Variants in STAT3 observed in about 807,000 individuals in gnomAD.
STAT3 encodes the protein signal transducer and activator of transcription 3.
In STAT3, 7 loss-of-function variants were observed where a neutral mutation model predicts 114.3. The ratio of observed to expected loss-of-function variants is 0.06; its 90% confidence interval spans 0.03 to 0.11. The LOEUF is 0.11. Ranked by LOEUF, STAT3 falls within the 10% of genes least tolerant of loss-of-function variation. The pLI is 1.00. For synonymous variants in STAT3, 331 were observed against 354.5 expected, an observed-to-expected ratio of 0.93 and a Z score of 0.74; for missense variants, 364 against 960.9, an observed-to-expected ratio of 0.38 and a Z score of 8.21.
In STAT3 at chr17:42,320,078, C is replaced by T. The variant is rs1567705307; in HGVS notation, c.2101+2204G>A. ...AGCAAAATGAGTCAAAAGGACCAGC[C>T]GTGGGACCCCAACGTCCTCTGCAGA... On this transcript the variant is annotated intron_variant, in intron 21 of 23. Coordinates refer to ENST00000264657, the MANE Select transcript of STAT3 (RefSeq NM_139276.3). 2.6e-5 allele frequency among the ~76,000 whole-genome samples: 4 copies of T among 152,110 alleles called. No individual in the cohort carries two copies. In the South Asian group the frequency reaches 6.2e-4, roughly 24 times the overall value.
At chr17:42,345,869 CTGAG>C (rs1055516823) in intron 3 of STAT3, among the ~76,000 whole-genome samples, 1 of 142,278 alleles carries the variant, frequency 7.0e-6, no homozygotes, top group Non-Finnish European at 1.5e-5. Context: ...GCACATTAGC[CTGAG>C]TCTTTTTTTT....
chr17:42,346,912 G>A (rs2082722612), intron 2 of STAT3, among the ~76,000 whole-genome samples, 199 bp from the exon 3 acceptor site: 1 of 152,150 alleles, frequency 6.6e-6, no homozygotes, highest in Admixed American at 6.6e-5. Flanking sequence ...TTCCAGGCCA[G>A]GCATGGTGGC....
chr17:42,337,354 C>T lies in STAT3; in HGVS notation c.797+81G>A. On this transcript the variant is annotated intron_variant, in intron 8 of 23. Coordinates refer to ENST00000264657, the MANE Select transcript of STAT3 (RefSeq NM_139276.3). The surrounding 1 kb of genome is among the most constrained non-coding windows in gnomAD (Gnocchi z 4.0). Reference sequence around the variant, plus strand: ...AAGTCCCCACGTTGGAGATATAGTACCAATTCTGTGGGCCTGCAGTTAAGA... The same window carrying T: ...AAGTCCCCACGTTGGAGATATAGTATCAATTCTGTGGGCCTGCAGTTAAGA... 6.3e-7 allele frequency: 1 copy of T among 1,574,870 alleles called. No individual in the cohort carries two copies. Among genetic ancestry groups the T allele is most frequent in the South Asian group, 1.1e-5 (1 of 87,192 alleles).
intron 4 of STAT3, among the ~76,000 whole-genome samples, chr17:42,342,138 G>A (rs921085822): frequency 6.6e-6 from 1 of 151,672 alleles, no homozygotes; most frequent in East Asian, 1.9e-4. Context: ...TGCACAGTAA[G>A]TGTTACCTAC....
chr17:42,369,479 G>T (rs923665813), intron 1 of STAT3, among the ~76,000 whole-genome samples: 1 of 152,120 alleles, frequency 6.6e-6, no homozygotes, highest in Non-Finnish European at 1.5e-5. Context: ...GGGCATTTAG[G>T]TTGATTCCAT....
At chr17:42,338,686 C>T (rs2082320090) in intron 6 of STAT3, 45 bp downstream of exon 6, 1 of 1,565,552 alleles carries the variant, frequency 6.4e-7, no homozygotes, top group South Asian at 1.1e-5. Context: ...CTCAACAACA[C>T]AAACTCACTT....
chr17:42,381,981 C>CT (rs1490155825), intron 1 of STAT3, among the ~76,000 whole-genome samples: 1 of 152,024 alleles, frequency 6.6e-6, no homozygotes, highest in East Asian at 1.9e-4. Flanking sequence ...ACTGTGGTTC[C>CT]TTGGCCTCCT....
intron 5 of STAT3, 29 bp downstream of exon 5, chr17:42,339,285 C>T: frequency 3.1e-6 from 5 of 1,604,052 alleles, no homozygotes; most frequent in Non-Finnish European, 4.3e-6. Flanking sequence ...AATGAAAGCT[C>T]CCTGCCCGAG....
intron 4 of STAT3, among the ~76,000 whole-genome samples, chr17:42,342,525 C>T (rs2082489388): frequency 2.0e-5 from 3 of 151,740 alleles, no homozygotes; most frequent in Admixed American, 1.3e-4. Flanking sequence ...CCATTTCCTA[C>T]AGTAATGGTG....
In STAT3 at chr17:42,337,607, A is replaced by T; in HGVS notation, c.646-21T>A. 6.2e-7 allele frequency: 1 copy of T among 1,614,206 alleles called. No individual in the cohort carries two copies. Among genetic ancestry groups the T allele is most frequent in the Non-Finnish European group, 8.5e-7 (1 of 1,180,044 alleles). ...ATGCTCTGGTTGGAAACCAAAACAAAGTCAGAAAACATTTCCTCAGACTGT... is the reference window on the plus strand; with the variant it reads ...ATGCTCTGGTTGGAAACCAAAACAATGTCAGAAAACATTTCCTCAGACTGT... On this transcript the variant is annotated intron_variant, in intron 7 of 23. Transcript: ENST00000264657. The surrounding 1 kb of genome is among the most constrained non-coding windows in gnomAD (Gnocchi z 4.0).
chr17:42,383,841 A>G (rs1051388156), intron 1 of STAT3, among the ~76,000 whole-genome samples: 4 of 152,216 alleles, frequency 2.6e-5, no homozygotes, highest in Non-Finnish European at 5.9e-5. Flanking sequence ...GACATAAAAT[A>G]TGAGTGGTGG....
At chr17:42,351,305 G>A (rs762745189) in intron 1 of STAT3, among the ~76,000 whole-genome samples, 7 of 151,818 alleles carry the variant, frequency 4.6e-5, no homozygotes, top group Non-Finnish European at 1.0e-4. Flanking sequence ...GAGTGCAGTG[G>A]TTCAATCACA....
At chr17:42,317,931 G>C (rs1307999652) in intron 21 of STAT3, among the ~76,000 whole-genome samples, 1 of 152,136 alleles carries the variant, frequency 6.6e-6, no homozygotes, top group Non-Finnish European at 1.5e-5. Flanking sequence ...CTGGAGCAAG[G>C]CATGGTCTCT....
intron 14 of STAT3, among the ~76,000 whole-genome samples, chr17:42,326,527 TA>T (rs1320764095): frequency 2.1e-5 from 3 of 140,364 alleles, no homozygotes; most frequent in Middle Eastern, 8.9e-3. Flanking sequence ...TTAAATTAAA[TA>T]AAAAAAAAGG....
At position 42,324,775 on chromosome 17, in the gene STAT3, G is replaced by T; in HGVS notation, c.1536C>A (p.Phe512Leu). 6.2e-7 allele frequency: 1 copy of T among 1,614,168 alleles called. No individual in the cohort carries two copies. The highest frequency in any genetic ancestry group is 8.5e-7 in the Non-Finnish European group (1 of 1,180,034). Reference sequence around the variant, plus strand: ...TCAGTCCTCGCTTGGTGGTGGAGGAGAACTGCCAGCTCAGGACCTCGGCCA... The same window carrying T: ...TCAGTCCTCGCTTGGTGGTGGAGGATAACTGCCAGCTCAGGACCTCGGCCA... ...DQVAEVLSWQFSSTTKRGLSI... is the reference protein window; with the variant it reads ...DQVAEVLSWQLSSTTKRGLSI... The change falls in exon 17 of 24, where the codon TTC (phenylalanine) becomes TTA (leucine). Residue 512 changes from phenylalanine to leucine, a missense_variant. By Grantham distance (22) the Phe-to-Leu change is conservative. Coordinates refer to ENST00000264657, the MANE Select transcript of STAT3 (RefSeq NM_139276.3). The surrounding 1 kb of genome is among the most constrained non-coding windows in gnomAD (Gnocchi z 4.5).
At chr17:42,325,568 C>CTT (rs72322568) in intron 15 of STAT3, among the ~76,000 whole-genome samples, 78 of 145,392 alleles carry the variant, frequency 5.4e-4, no homozygotes, top group East Asian at 2.0e-3. Context: ...GTTCTAATTT[C>CTT]TTTTTTTTTT....
chr17:42,317,015 G>GA, intron 22 of STAT3, 114 bp from the exon 23 acceptor site: 2 of 1,556,994 alleles, frequency 1.3e-6, no homozygotes, highest in Non-Finnish European at 1.7e-6. Context: ...GTCTCCAACA[G>GA]AAAAATAAAA....
At chr17:42,347,442 G>A (rs1440597097) in intron 2 of STAT3, among the ~76,000 whole-genome samples, 2 of 152,154 alleles carry the variant, frequency 1.3e-5, no homozygotes, top group East Asian at 3.9e-4. Flanking sequence ...GAAAAACCAG[G>A]TCATATTAAC....
chr17:42,357,347 C>T (rs563721337), intron 1 of STAT3, among the ~76,000 whole-genome samples: 7 of 152,136 alleles, frequency 4.6e-5, no homozygotes, highest in Non-Finnish European at 7.3e-5. Context: ...ATTTTCACCA[C>T]AGGATAAACA....
Sources: allele counts gnomAD v4.1 joint callset (sites outside exome capture counted in the v4.1 genomes callset), GRCh38; gene constraint gnomAD v4.1.1; non-coding constraint Gnocchi (gnomAD v3.1); transcripts MANE v1.5; gene names NCBI Gene and HGNC (gene_info 2026-07-23, HGNC 2026-07-21).